The following SHC3 variants were observed in gnomAD, a reference collection of about 807,000 sequenced individuals.
The protein encoded by SHC3 is SHC adaptor protein 3.
SHC3 carries 15 observed loss-of-function variants against 60.4 expected under a neutral mutation model. The ratio of observed to expected loss-of-function variants is 0.25; its 90% CI spans 0.17 to 0.38. SHC3 has a LOEUF of 0.38. SHC3 is among the 10% of genes least tolerant of loss of function. The pLI, the probability that SHC3 is intolerant of heterozygous loss-of-function variation, is 1.00. For missense variants in SHC3, 677 were observed against 786.1 expected (o/e 0.86, Z 1.66); for synonymous variants, 294 against 325.9 (o/e 0.90, Z 1.05).
rs979571755 is a variant in SHC3 at position 89,011,366 on chromosome 9, A to T, written c.*2081T>A. Reference sequence around the variant, plus strand: ...ACAGCATTCACAGCTCCTAACTTGCATTTCCTACTTTGCTATTGTCCCTGA... The same window carrying T: ...ACAGCATTCACAGCTCCTAACTTGCTTTTCCTACTTTGCTATTGTCCCTGA... On this transcript the variant is annotated 3_prime_UTR_variant, in exon 12 of 12. Coordinates refer to ENST00000375835, the MANE Select transcript of SHC3 (RefSeq NM_016848.6). 1 of 152,214 alleles carries T rather than the reference A, an allele frequency of 6.6e-6. No homozygotes were observed. The highest frequency in any genetic ancestry group is 2.4e-5 in the African/African-American group (1 of 41,442). The allele number at this position is 152,214 out of a possible 1,614,324, so 9.4% of individuals were successfully genotyped here. A position where few individuals can be genotyped will look rare whatever the true frequency, so the allele number is the denominator to read the frequency against.
At chr9:89,103,569 A>G (rs1402485290) in intron 2 of SHC3, among the ~76,000 whole-genome samples, 7 of 152,274 alleles carry the variant, frequency 4.6e-5, no homozygotes, top group Non-Finnish European at 1.0e-4. Flanking sequence ...GGAGATAGAG[A>G]TTTGTGACTT....
chr9:89,036,763 T>C lies in SHC3; in HGVS notation c.1656+1230A>G, dbSNP rs542935389. On this transcript the variant is annotated intron_variant, in intron 11 of 11. Coordinates refer to ENST00000375835, the MANE Select transcript of SHC3 (RefSeq NM_016848.6). ...TCTTTTTTCTTTTTTTGAAACAGAG[T>C]CTTTCTCCATCACCCAGGCTGGAGT... is the stretch of plus-strand genomic sequence containing the variant. 6.6e-5 allele frequency among the ~76,000 whole-genome samples: 10 copies of C among 151,700 alleles called. No individual in the cohort carries two copies. In the East Asian group the frequency reaches 7.8e-4, roughly 12 times the overall value.
intron 2 of SHC3, among the ~76,000 whole-genome samples, chr9:89,101,481 T>G (rs1432287571): frequency 6.6e-6 from 1 of 152,134 alleles, no homozygotes; most frequent in African/African-American, 2.4e-5. Flanking sequence ...TGACTGTACA[T>G]TTTTAGTGGA....
intron 7 of SHC3, among the ~76,000 whole-genome samples, chr9:89,049,330 C>A (rs1249537439): frequency 6.6e-6 from 1 of 152,062 alleles, no homozygotes; most frequent in Non-Finnish European, 1.5e-5. Context: ...CATTTGGAGG[C>A]GACATTTTTC....
intron 2 of SHC3, among the ~76,000 whole-genome samples, chr9:89,099,938 T>C (rs1221191953): frequency 1.1e-4 from 16 of 152,254 alleles, no homozygotes; most frequent in Admixed American, 9.2e-4. Context: ...TCACAAGACA[T>C]AGTTATTTTC....
chr9:89,114,459 C>T (rs1825994107), intron 1 of SHC3, among the ~76,000 whole-genome samples: 1 of 151,814 alleles, frequency 6.6e-6, no homozygotes, highest in African/African-American at 2.4e-5. Context: ...AAAAGTAGTG[C>T]AAATAAACAA....
chr9:89,140,789 A>T (rs1474538520), intron 1 of SHC3, among the ~76,000 whole-genome samples: 2 of 152,162 alleles, frequency 1.3e-5, no homozygotes. Context: ...CTAGGCTGTT[A>T]GTAATTATCT....
In SHC3 at chr9:89,111,085, C is replaced by A. The variant is rs138040552; in HGVS notation, c.545+1471G>T. ...TACACCTTTCTCCAACACTGAGAGG[C>A]CTAGCAAAGCCGGAGAGTCACGTTG... On this transcript the variant is annotated intron_variant, in intron 2 of 11. Coordinates refer to ENST00000375835, the MANE Select transcript of SHC3 (RefSeq NM_016848.6). 6.6e-5 allele frequency among the ~76,000 whole-genome samples: 10 copies of A among 152,274 alleles called. No homozygotes were observed. The East Asian group carries it at 1.9e-3, about 29-fold the overall frequency.
At chr9:89,159,593 G>T in intron 1 of SHC3, among the ~76,000 whole-genome samples, 1 of 152,074 alleles carries the variant, frequency 6.6e-6, no homozygotes, top group Non-Finnish European at 1.5e-5. Flanking sequence ...ATATATAAAG[G>T]GGAGTTTATA....
chr9:89,111,877 G>T (rs959982525), intron 2 of SHC3, among the ~76,000 whole-genome samples: 2 of 152,206 alleles, frequency 1.3e-5, no homozygotes, highest in Non-Finnish European at 2.9e-5. Flanking sequence ...AAATGTAGCA[G>T]TTTCACAGAC....
At chr9:89,130,080 A>AAAAC (rs894251508) in intron 1 of SHC3, among the ~76,000 whole-genome samples, 2 of 152,300 alleles carry the variant, frequency 1.3e-5, no homozygotes, top group Middle Eastern at 3.4e-3. Flanking sequence ...AAGCAAATGG[A>AAAAC]AAACAAACAA....
intron 11 of SHC3, among the ~76,000 whole-genome samples, chr9:89,021,285 G>A (rs901231619): frequency 6.6e-6 from 1 of 152,162 alleles, no homozygotes; most frequent in African/African-American, 2.4e-5. Context: ...GCTACCTTGG[G>A]AACTGTGCCA....
intron 7 of SHC3, among the ~76,000 whole-genome samples, chr9:89,048,820 A>T (rs1824814949): frequency 6.6e-6 from 1 of 152,158 alleles, no homozygotes; most frequent in Admixed American, 6.5e-5. Context: ...AACGGAAGGC[A>T]GGGCAAGCTC....
chr9:89,080,760 T>C (rs1040811530), intron 2 of SHC3, among the ~76,000 whole-genome samples: 1 of 145,548 alleles, frequency 6.9e-6, no homozygotes, highest in African/African-American at 2.5e-5. Flanking sequence ...TATATATATG[T>C]ATGTATACTT....
intron 1 of SHC3, among the ~76,000 whole-genome samples, chr9:89,132,704 C>G (rs1161910579): frequency 6.6e-6 from 1 of 152,160 alleles, no homozygotes; most frequent in Non-Finnish European, 1.5e-5. Flanking sequence ...ACTGGCTAGC[C>G]ACATGTAGAA....
Position 89,040,952 on chromosome 9 carries a change from A to T in SHC3, c.1360+1074T>A, listed in dbSNP as rs141911634. On this transcript the variant is annotated intron_variant, in intron 10 of 11. Coordinates refer to ENST00000375835, the MANE Select transcript of SHC3 (RefSeq NM_016848.6). Reference sequence around the variant, plus strand: ...TACCACAAATCACAGATATTGGACCAGCAAGGCTGCCTTTCACAAATGATA... The same window carrying T: ...TACCACAAATCACAGATATTGGACCTGCAAGGCTGCCTTTCACAAATGATA... Among the ~76,000 whole-genome samples, 1,020 of 152,370 alleles carry T rather than the reference A, an allele frequency of 6.7e-3. 9 individuals carry two copies. Among genetic ancestry groups the T allele is most frequent in the African/African-American group, 0.023 (975 of 41,588 alleles).
intron 1 of SHC3, among the ~76,000 whole-genome samples, chr9:89,129,840 C>T (rs1826218409): frequency 6.6e-6 from 1 of 152,168 alleles, no homozygotes; most frequent in Non-Finnish European, 1.5e-5. Flanking sequence ...TAGGAAGAAA[C>T]TGCATCAACT....
At chr9:89,031,787 CTTTG>C (rs1312967433) in intron 11 of SHC3, among the ~76,000 whole-genome samples, 4 of 152,200 alleles carry the variant, frequency 2.6e-5, no homozygotes, top group South Asian at 2.1e-4. Flanking sequence ...CTTCTATCTC[CTTTG>C]TTTATGTTTT....
chr9:89,118,681 G>A (rs1383571383), intron 1 of SHC3, among the ~76,000 whole-genome samples: 1 of 150,854 alleles, frequency 6.6e-6, no homozygotes, highest in Non-Finnish European at 1.5e-5. Context: ...GAATGTTAAT[G>A]TTCTCTTTCA....
Sources: allele counts gnomAD v4.1 joint callset (sites outside exome capture counted in the v4.1 genomes callset), GRCh38; gene constraint gnomAD v4.1.1; transcripts MANE v1.5; gene names NCBI Gene and HGNC (gene_info 2026-07-23, HGNC 2026-07-21).